Variants in HSPA12A observed in about 807,000 individuals in gnomAD.
HSPA12A encodes heat shock 70 kDa protein 12A.
Under a neutral mutation model 69.2 loss-of-function variants are expected in HSPA12A, and 28 were observed. The ratio of observed to expected loss-of-function variants is 0.40; its 90% CI spans 0.30 to 0.55. The LOEUF is 0.55. Among genes scored for constraint, HSPA12A ranks in the 20% least tolerant of loss-of-function variants. The probability of loss-of-function intolerance (pLI) is 0.38; values close to 1 mark genes in which losing one functional copy is unlikely to be tolerated. For missense variants in HSPA12A, 686 were observed against 900.7 expected, an observed-to-expected ratio of 0.76 and a Z score of 3.05; for synonymous variants, 345 against 370.5, an observed-to-expected ratio of 0.93 and a Z score of 0.79.
At chr10:116,685,569 A>T (rs1372257760) in intron 6 of HSPA12A, among the ~76,000 whole-genome samples, 2 of 149,110 alleles carry the variant, frequency 1.3e-5, no homozygotes, top group African/African-American at 5.0e-5. Flanking sequence ...TGGGAGGTGG[A>T]GGTTGCAGTG....
upstream of HSPA12A, among the ~76,000 whole-genome samples, chr10:116,743,308 A>G (rs1291768380): frequency 5.9e-5 from 9 of 152,106 alleles, no homozygotes; most frequent in African/African-American, 2.2e-4. Context: ...CAGCTCCTCC[A>G]CACACACGCG....
At chr10:116,750,004 C>A (rs1345891253) in intron 2 of HSPA12A, 1 of 220,052 alleles carries the variant, frequency 4.5e-6, no homozygotes, top group Non-Finnish European at 9.1e-6. Flanking sequence ...CTTGGAAATG[C>A]TTGGCAATAC....
At chr10:116,815,061 T>C (rs763357958) in intron 2 of HSPA12A, among the ~76,000 whole-genome samples, 4 of 151,908 alleles carry the variant, frequency 2.6e-5, no homozygotes, top group Non-Finnish European at 5.9e-5. Context: ...CAGTTGACTT[T>C]TGAACCTAAG....
intron 1 of HSPA12A, among the ~76,000 whole-genome samples, chr10:116,845,504 T>C (rs1845866004): frequency 6.6e-6 from 1 of 152,102 alleles, no homozygotes; most frequent in African/African-American, 2.4e-5. Flanking sequence ...CATGACTAGA[T>C]CCTCTCTCTA....
chr10:116,836,741 T>C (rs1564836080), intron 1 of HSPA12A, among the ~76,000 whole-genome samples: 1 of 151,452 alleles, frequency 6.6e-6, no homozygotes, highest in Non-Finnish European at 1.5e-5. Flanking sequence ...GGTATGATTT[T>C]AGTGTAGAAT....
chr10:116,739,812 G>A (rs1851424639), intron 1 of HSPA12A, among the ~76,000 whole-genome samples: 1 of 151,898 alleles, frequency 6.6e-6, no homozygotes, highest in Admixed American at 6.6e-5. Flanking sequence ...GTAATGAACC[G>A]CCGCTCCCCA....
chr10:116,849,631 A>G lies in HSPA12A; in HGVS notation c.-63T>C, dbSNP rs780545121. ...AGGGAGCTGCAGAAGCTGAAGCAGC[A>G]GGCGATGGAGTACTACCGGGAGAAC... On this transcript the variant is annotated 5_prime_UTR_variant, in exon 1 of 13. Transcript: ENST00000635765. 20 of 1,550,228 alleles carry G rather than the reference A, an allele frequency of 1.3e-5. No individual in the cohort carries two copies. In the South Asian group the frequency reaches 1.3e-4, roughly 10 times the overall value.
At chr10:116,808,659 C>A (rs1845115608) in intron 2 of HSPA12A, among the ~76,000 whole-genome samples, 1 of 152,140 alleles carries the variant, frequency 6.6e-6, no homozygotes, top group Admixed American at 6.6e-5. Flanking sequence ...CTGTTCCCCA[C>A]AATGGTCTGG....
At chr10:116,849,768 C>T (rs1206695662), upstream of HSPA12A, 5 of 1,473,054 alleles carry the variant, frequency 3.4e-6, no homozygotes, top group African/African-American at 5.7e-5. Context: ...TCCCGCCAAC[C>T]CCTCTCCCCC....
intron 1 of HSPA12A, among the ~76,000 whole-genome samples, chr10:116,741,525 C>G (rs528178486): frequency 6.6e-6 from 1 of 152,330 alleles, no homozygotes; most frequent in East Asian, 1.9e-4. Context: ...ACGCGCGGCG[C>G]CTCCATGCGC....
At chr10:116,823,836 C>T (rs1210954059) in intron 2 of HSPA12A, among the ~76,000 whole-genome samples, 1 of 152,090 alleles carries the variant, frequency 6.6e-6, no homozygotes, top group African/African-American at 2.4e-5. Flanking sequence ...GTCTTTGTGG[C>T]CTTATGTTAG....
chr10:116,788,324 T>C (rs140054977), intron 2 of HSPA12A, among the ~76,000 whole-genome samples: 121 of 152,206 alleles, frequency 7.9e-4, no homozygotes, highest in Middle Eastern at 3.4e-3. Context: ...AAGAAAAAAG[T>C]ACCATTTAAT....
intron 2 of HSPA12A, among the ~76,000 whole-genome samples, chr10:116,823,736 A>G (rs1225719895): frequency 6.6e-6 from 1 of 152,220 alleles, no homozygotes; most frequent in Non-Finnish European, 1.5e-5. Context: ...ACCATATACA[A>G]AAATGAATTC....
At chr10:116,731,415 T>G (rs1851149326) in intron 1 of HSPA12A, among the ~76,000 whole-genome samples, 1 of 152,106 alleles carries the variant, frequency 6.6e-6, no homozygotes, top group Non-Finnish European at 1.5e-5. Context: ...GGGAAACCAC[T>G]GCCAGACCGG....
chr10:116,826,995 A>C (rs1012231245), intron 2 of HSPA12A, among the ~76,000 whole-genome samples: 2 of 152,196 alleles, frequency 1.3e-5, no homozygotes, highest in African/African-American at 4.8e-5. Flanking sequence ...AGTAAGTGGC[A>C]AGCCCGATTC....
chr10:116,682,266 C>A (rs575636193), intron 7 of HSPA12A, among the ~76,000 whole-genome samples: 2 of 152,182 alleles, frequency 1.3e-5, no homozygotes, highest in African/African-American at 4.8e-5. Flanking sequence ...ATGAGACCTA[C>A]CCTGGTCACA....
chr10:116,787,172 G>A (rs896259329), intron 2 of HSPA12A, among the ~76,000 whole-genome samples: 1 of 151,962 alleles, frequency 6.6e-6, no homozygotes, highest in Non-Finnish European at 1.5e-5. Flanking sequence ...AACGTCCATG[G>A]GATCTCATGC....
chr10:116,705,892 C>CT (rs1343886510), intron 2 of HSPA12A, among the ~76,000 whole-genome samples: 26 of 129,488 alleles, frequency 2.0e-4, no homozygotes, highest in African/African-American at 7.9e-4. Flanking sequence ...TTCTCTCTCT[C>CT]CTTTTTTTTT....
chr10:116,790,294 G>A lies in HSPA12A; in HGVS notation c.91+44641C>T, dbSNP rs180982798. ...AATTTTTTGTATTTTTAGTAAAGACGGGGTTTCACCGTGTTAGCCAGGATG... is the reference window on the plus strand; with the variant it reads ...AATTTTTTGTATTTTTAGTAAAGACAGGGTTTCACCGTGTTAGCCAGGATG... On this transcript the variant is annotated intron_variant, in intron 2 of 12. Transcript: ENST00000635765. 4.4e-3 allele frequency among the ~76,000 whole-genome samples: 663 copies of A among 151,744 alleles called. 4 individuals are homozygous for A. The highest frequency in any genetic ancestry group is 0.027 in the Middle Eastern group (8 of 292).
Sources: gnomAD v4.1 joint callset for allele counts (sites outside exome capture counted in the v4.1 genomes callset) on GRCh38, gnomAD v4.1.1 for gene constraint, MANE v1.5 for transcripts, NCBI Gene and HGNC (gene_info 2026-07-23, HGNC 2026-07-21) for gene names.